Variants in SPATA9 observed in about 807,000 individuals in gnomAD.
SPATA9 encodes the protein spermatogenesis-associated protein 9.
A neutral mutation model predicts 25.5 loss-of-function variants in SPATA9; 27 were observed. The ratio of observed to expected loss-of-function variants is 1.06; its 90% confidence interval spans 0.78 to 1.46. The LOEUF (loss-of-function observed/expected upper bound fraction) is 1.46, where lower values mean the gene tolerates loss of function less well. Among genes scored for constraint, SPATA9 ranks in the 40% most tolerant of loss-of-function variants. The pLI is 0.00. For synonymous variants in SPATA9, 102 were observed against 105.7 expected (o/e 0.97, Z 0.21); for missense variants, 282 against 297.5 (o/e 0.95, Z 0.38).
chr5:95,690,815 T>G (rs372997049), intron 1 of SPATA9, among the ~76,000 whole-genome samples: 1 of 152,216 alleles, frequency 6.6e-6, no homozygotes, highest in South Asian at 2.1e-4. Context: ...AAGCCAATAC[T>G]TTTATAGATT....
chr5:95,687,354 T>C (rs568808355), upstream of SPATA9, among the ~76,000 whole-genome samples: 4 of 152,308 alleles, frequency 2.6e-5, no homozygotes, highest in South Asian at 8.3e-4. Context: ...CAAGAGAAAA[T>C]GTTTAGACCT....
At chr5:95,684,228 G>A (rs1753666478), upstream of SPATA9, among the ~76,000 whole-genome samples, 1 of 152,128 alleles carries the variant, frequency 6.6e-6, no homozygotes, top group Non-Finnish European at 1.5e-5. Flanking sequence ...AGACAATGAT[G>A]AATACACACG....
the SPATA9 span, chr5:95,731,462 CA>C: frequency 8.2e-7 from 1 of 1,215,594 alleles, no homozygotes; most frequent in Non-Finnish European, 1.0e-6. Flanking sequence ...TGAGTAGCGG[CA>C]GCTTATCCCC....
intron 1 of SPATA9, among the ~76,000 whole-genome samples, chr5:95,693,040 T>G (rs1220157514): frequency 1.3e-5 from 2 of 152,258 alleles, no homozygotes; most frequent in Non-Finnish European, 2.9e-5. Context: ...CAAATTGTAT[T>G]TTCATCAAGT....
the SPATA9 span, among the ~76,000 whole-genome samples, chr5:95,706,919 T>A: frequency 1.3e-5 from 2 of 152,114 alleles, no homozygotes; most frequent in Admixed American, 1.3e-4. Flanking sequence ...AAAGAGACAA[T>A]AAGATCCCTG....
intron 3 of SPATA9, among the ~76,000 whole-genome samples, chr5:95,671,650 T>G (rs957450503): frequency 1.3e-5 from 2 of 152,090 alleles, no homozygotes; most frequent in Non-Finnish European, 2.9e-5. Context: ...CCTCAGGTGA[T>G]CCACCACCTC....
chr5:95,700,958 A>T (rs1754168696), upstream of SPATA9, among the ~76,000 whole-genome samples: 1 of 152,230 alleles, frequency 6.6e-6, no homozygotes, highest in South Asian at 2.1e-4. Context: ...TGAAGAATCC[A>T]CACCACAAGA....
chr5:95,691,244 T>C (rs1010587604), intron 1 of SPATA9, among the ~76,000 whole-genome samples: 10 of 152,118 alleles, frequency 6.6e-5, no homozygotes, highest in Non-Finnish European at 1.2e-4. Flanking sequence ...ATTTATTATT[T>C]CAACATTTCC....
At chr5:95,724,926 A>C in the SPATA9 span, among the ~76,000 whole-genome samples, 1 of 152,048 alleles carries the variant, frequency 6.6e-6, no homozygotes, top group African/African-American at 2.4e-5. Flanking sequence ...GGTGGCATGC[A>C]CCTGTAGTCC....
chr5:95,655,773 A>T (rs143221702), downstream of SPATA9, among the ~76,000 whole-genome samples: 106 of 152,326 alleles, frequency 7.0e-4, no homozygotes, highest in African/African-American at 2.5e-3. Context: ...ATTAACATCT[A>T]ATAGATAACA....
chr5:95,660,707 A>G (rs978962946), intron 4 of SPATA9, among the ~76,000 whole-genome samples: 4 of 152,178 alleles, frequency 2.6e-5, no homozygotes, highest in African/African-American at 4.8e-5. Context: ...ACAAAAAATT[A>G]TATTTGTGCA....
the SPATA9 span, among the ~76,000 whole-genome samples, chr5:95,712,071 C>A: frequency 6.6e-6 from 1 of 151,888 alleles, no homozygotes; most frequent in Non-Finnish European, 1.5e-5. Context: ...CTTGCAAGGC[C>A]GGGACTCCAT....
chr5:95,661,110 T>C (rs1751214870), intron 4 of SPATA9, among the ~76,000 whole-genome samples: 1 of 152,138 alleles, frequency 6.6e-6, no homozygotes, highest in Non-Finnish European at 1.5e-5. Context: ...CTATATCTAA[T>C]GGACACTTCA....
At chr5:95,688,811 C>T (rs979579323) in intron 1 of SPATA9, among the ~76,000 whole-genome samples, 25 of 152,092 alleles carry the variant, frequency 1.6e-4, no homozygotes, top group African/African-American at 5.8e-4. Flanking sequence ...GCTTAACCTT[C>T]ACCACTTCAC....
the SPATA9 span, among the ~76,000 whole-genome samples, chr5:95,725,640 T>G: frequency 6.6e-6 from 1 of 152,248 alleles, no homozygotes; most frequent in Non-Finnish European, 1.5e-5. Flanking sequence ...AAAAACTTTT[T>G]CAAGCTGCTA....
chr5:95,652,535 TCA>T (rs1374601607), downstream of SPATA9: 6 of 599,498 alleles, frequency 1.0e-5, no homozygotes, highest in Non-Finnish European at 1.5e-5. Context: ...GCCTTTCTCC[TCA>T]CAGTCTTTGG....
At chr5:95,663,926 T>C (rs1260823603) in intron 4 of SPATA9, 27 bp downstream of exon 4, 12 of 1,284,634 alleles carry the variant, frequency 9.3e-6, no homozygotes, top group Non-Finnish European at 1.3e-5. Flanking sequence ...GATTTATTTC[T>C]AGATTCTAAT....
At chr5:95,688,701 C>T (rs966427937) in intron 1 of SPATA9, among the ~76,000 whole-genome samples, 1 of 152,066 alleles carries the variant, frequency 6.6e-6, no homozygotes, top group Non-Finnish European at 1.5e-5. Context: ...GAATAATAGA[C>T]ACTGGAGACT....
chr5:95,669,462 G>A (rs1752148426), intron 3 of SPATA9, among the ~76,000 whole-genome samples: 1 of 152,156 alleles, frequency 6.6e-6, no homozygotes, highest in Non-Finnish European at 1.5e-5. Flanking sequence ...TCCTTATCCT[G>A]AAAAAAGAAC....
Sources: allele counts gnomAD v4.1 joint callset (sites outside exome capture counted in the v4.1 genomes callset), GRCh38; gene constraint gnomAD v4.1.1; transcripts MANE v1.5; gene names NCBI Gene and HGNC (gene_info 2026-07-23, HGNC 2026-07-21).